GTF2F2: variants seen among roughly 807,000 people sequenced by gnomAD.
GTF2F2 encodes general transcription factor IIF subunit 2.
In GTF2F2, 23 loss-of-function variants were observed where a neutral mutation model predicts 42.2. The ratio of observed to expected loss-of-function variants is 0.55; its 90% confidence interval spans 0.39 to 0.77. The LOEUF (loss-of-function observed/expected upper bound fraction) is 0.77, where lower values mean the gene tolerates loss of function less well. GTF2F2 is among the 30% of genes least tolerant of loss of function. The pLI is 0.00. For missense variants in GTF2F2, 261 were observed against 287.2 expected, an observed-to-expected ratio of 0.91 and a Z score of 0.66; for synonymous variants, 105 against 100.8, an observed-to-expected ratio of 1.04 and a Z score of -0.25.
At chr13:45,220,452 G>A (rs918478155) in intron 5 of GTF2F2, among the ~76,000 whole-genome samples, 7 of 152,012 alleles carry the variant, frequency 4.6e-5, no homozygotes, top group African/African-American at 1.7e-4. Flanking sequence ...ATTGGCACAG[G>A]CAGTAAATAC....
At chr13:45,249,650 A>G (rs1265389353) in intron 5 of GTF2F2, among the ~76,000 whole-genome samples, 1 of 152,246 alleles carries the variant, frequency 6.6e-6, no homozygotes, top group African/African-American at 2.4e-5. Context: ...AGTAATGGGA[A>G]CAATCATTTA....
chr13:45,129,241 C>T (rs1025603648), intron 1 of GTF2F2, among the ~76,000 whole-genome samples: 6 of 152,200 alleles, frequency 3.9e-5, no homozygotes, highest in Non-Finnish European at 5.9e-5. Context: ...CAGAGTCTTA[C>T]ACTGTCACCC....
At chr13:45,280,499 C>T (rs1285273092) in intron 7 of GTF2F2, among the ~76,000 whole-genome samples, 1 of 152,138 alleles carries the variant, frequency 6.6e-6, no homozygotes. Context: ...TTTAGAACAT[C>T]CTAAAAATCA....
chr13:45,151,599 A>G (rs1388029577), intron 3 of GTF2F2, 88 bp from the exon 4 acceptor site: 1 of 795,106 alleles, frequency 1.3e-6, no homozygotes, highest in African/African-American at 1.8e-5. Context: ...AAACACATTT[A>G]AAAACAATTT....
chr13:45,240,429 T>C (rs1566147310), intron 5 of GTF2F2, among the ~76,000 whole-genome samples: 1 of 152,208 alleles, frequency 6.6e-6, no homozygotes. Context: ...GTGTATGTTT[T>C]TTTGGTTTTG....
At chr13:45,126,397 G>A (rs927778661) in intron 1 of GTF2F2, among the ~76,000 whole-genome samples, 7 of 151,856 alleles carry the variant, frequency 4.6e-5, no homozygotes, top group African/African-American at 7.3e-5. Context: ...GATTACAGGC[G>A]TGCACCACGA....
At chr13:45,145,910 C>A (rs935332272) in intron 2 of GTF2F2, among the ~76,000 whole-genome samples, 1 of 152,176 alleles carries the variant, frequency 6.6e-6, no homozygotes, top group Admixed American at 6.5e-5. Context: ...CCTCCTTACC[C>A]CACTAAGGGT....
At chr13:45,220,965 G>C (rs1330028240) in intron 5 of GTF2F2, 1 of 144,920 alleles carries the variant, frequency 6.9e-6, no homozygotes. Flanking sequence ...GTGTGTGTGT[G>C]TGTCTGTGTG....
intron 4 of GTF2F2, among the ~76,000 whole-genome samples, chr13:45,152,682 A>T (rs948019084): frequency 6.6e-6 from 1 of 152,218 alleles, no homozygotes; most frequent in Non-Finnish European, 1.5e-5. Context: ...TGTGTTTGCA[A>T]TGAGATATTT....
chr13:45,248,462 TG>T lies in GTF2F2; in HGVS notation c.387-4408del, dbSNP rs1436668479. Among the ~76,000 whole-genome samples, 6 of 152,110 alleles carry T rather than the reference TG, an allele frequency of 3.9e-5. No individual in the cohort carries two copies. The East Asian group carries it at 7.7e-4, about 20-fold the overall frequency. ...TTTTTGTTTTTGTTTTTGTGTGTTT[TG>T]TTTTTTTGGTTTTTGTTTTTTGTTT... On this transcript the variant is annotated intron_variant, in intron 5 of 7. Coordinates refer to ENST00000340473, the MANE Select transcript of GTF2F2 (RefSeq NM_004128.3).
At chr13:45,171,512 GTTTT>G (rs1871598657) in intron 4 of GTF2F2, among the ~76,000 whole-genome samples, 1 of 152,160 alleles carries the variant, frequency 6.6e-6, no homozygotes, top group African/African-American at 2.4e-5. Context: ...ACACTTTAGA[GTTTT>G]CTTTCTATCT....
intron 5 of GTF2F2, among the ~76,000 whole-genome samples, chr13:45,240,975 C>CA (rs1210038157): frequency 0.015 from 1,645 of 106,454 alleles, 21 homozygotes; most frequent in African/African-American, 0.03. Flanking sequence ...CCTGTTATTA[C>CA]AAAAAAAAAA....
chr13:45,235,459 A>G (rs1472750982), intron 5 of GTF2F2, among the ~76,000 whole-genome samples: 6 of 151,434 alleles, frequency 4.0e-5, no homozygotes, highest in Non-Finnish European at 5.9e-5. Flanking sequence ...GGACATATGT[A>G]GTGGGAGGCA....
chr13:45,263,193 T>A (rs1302633452), intron 6 of GTF2F2, among the ~76,000 whole-genome samples: 1 of 152,166 alleles, frequency 6.6e-6, no homozygotes, highest in Non-Finnish European at 1.5e-5. Flanking sequence ...GTTTTGTTCT[T>A]GCTATCGTTA....
chr13:45,194,578 T>C, intron 4 of GTF2F2: 5 of 1,603,878 alleles, frequency 3.1e-6, no homozygotes, highest in Non-Finnish European at 4.3e-6. Context: ...TTTTTGAAGA[T>C]GCTATTTCAG....
intron 4 of GTF2F2, among the ~76,000 whole-genome samples, chr13:45,199,592 T>G (rs1873075267): frequency 6.6e-6 from 1 of 152,238 alleles, no homozygotes. Flanking sequence ...AGCATAGCAC[T>G]TATGTAAGCC....
chr13:45,229,995 C>CATCT (rs1483700966), intron 5 of GTF2F2, among the ~76,000 whole-genome samples: 1 of 152,004 alleles, frequency 6.6e-6, no homozygotes, highest in Non-Finnish European at 1.5e-5. Context: ...GTGGGCAGAT[C>CATCT]GCTTGAGGTC....
At position 45,268,902 on chromosome 13, in the gene GTF2F2, G is replaced by T. The variant is rs531975550; in HGVS notation, c.630+1526G>T. The stretch of plus-strand genomic sequence containing the variant: ...TATTACTAGTGTGTCTTTTGGTTTT[G>T]GTTCTTAAGATATTTTTTATATGGT... On this transcript the variant is annotated intron_variant, in intron 7 of 7. Coordinates refer to ENST00000340473, the MANE Select transcript of GTF2F2 (RefSeq NM_004128.3). Among the ~76,000 whole-genome samples, 62 of 152,160 alleles carry T rather than the reference G, an allele frequency of 4.1e-4. No homozygotes were observed. The South Asian group carries it at 0.012, about 29-fold the overall frequency.
At chr13:45,196,031 G>A (rs1872874291) in intron 4 of GTF2F2, among the ~76,000 whole-genome samples, 2 of 152,068 alleles carry the variant, frequency 1.3e-5, no homozygotes, top group Admixed American at 1.3e-4. Context: ...ACTGTATGTT[G>A]ACATAGGAAT....
Sources: gnomAD v4.1 joint callset for allele counts (sites outside exome capture counted in the v4.1 genomes callset) on GRCh38, gnomAD v4.1.1 for gene constraint, MANE v1.5 for transcripts, NCBI Gene and HGNC (gene_info 2026-07-23, HGNC 2026-07-21) for gene names.